The following CYTH3 variants were observed in gnomAD, a reference collection of about 807,000 sequenced individuals.
CYTH3 encodes cytohesin 3, also known as cytohesin-3.
A neutral mutation model predicts 55.1 loss-of-function variants in CYTH3; 23 were observed. The ratio of observed to expected loss-of-function variants is 0.42; its 90% CI spans 0.30 to 0.59. The LOEUF is 0.59. Ranked by LOEUF, CYTH3 falls within the 20% of genes least tolerant of loss-of-function variation. The pLI is 0.20. For synonymous variants in CYTH3, 249 were observed against 194.9 expected (o/e 1.28, Z -2.31); for missense variants, 413 against 524.8 (o/e 0.79, Z 2.08).
At chr7:6,201,651 G>C (rs976855668) in intron 1 of CYTH3, among the ~76,000 whole-genome samples, 1 of 152,130 alleles carries the variant, frequency 6.6e-6, no homozygotes, top group Admixed American at 6.5e-5. Context: ...GACTGTGTAA[G>C]ATAACAACAT....
chr7:6,231,267 G>A (rs559122214), intron 1 of CYTH3, among the ~76,000 whole-genome samples: 79 of 152,196 alleles, frequency 5.2e-4, no homozygotes, highest in Non-Finnish European at 9.1e-4. Flanking sequence ...TAAACTCTAC[G>A]AGAGAAAAGA....
At chr7:6,185,721 C>G (rs1783626354) in intron 4 of CYTH3, among the ~76,000 whole-genome samples, 1 of 150,844 alleles carries the variant, frequency 6.6e-6, no homozygotes, top group Non-Finnish European at 1.5e-5. Context: ...AAAAAATTAT[C>G]TGGGTGCAGT....
chr7:6,233,733 C>A (rs112805669), intron 1 of CYTH3, among the ~76,000 whole-genome samples: 2 of 152,060 alleles, frequency 1.3e-5, no homozygotes, highest in South Asian at 2.1e-4. Flanking sequence ...CAGGGCCTTA[C>A]CACCAGTCCC....
intron 1 of CYTH3, among the ~76,000 whole-genome samples, chr7:6,203,513 G>C (rs191407025): frequency 2.2e-4 from 34 of 152,238 alleles, no homozygotes; most frequent in Admixed American, 1.6e-3. Context: ...AGTCTCAGCA[G>C]AAAATTCTGC....
chr7:6,269,434 G>A (rs552282055), intron 1 of CYTH3, among the ~76,000 whole-genome samples: 2 of 152,264 alleles, frequency 1.3e-5, no homozygotes, highest in African/African-American at 4.8e-5. Flanking sequence ...CACCTACATT[G>A]ATCAGGGAGT....
At chr7:6,269,794 T>C (rs928135852) in intron 1 of CYTH3, among the ~76,000 whole-genome samples, 2 of 152,150 alleles carry the variant, frequency 1.3e-5, no homozygotes, top group Non-Finnish European at 2.9e-5. Context: ...AACAATACAG[T>C]GGACAAAAAG....
intron 1 of CYTH3, among the ~76,000 whole-genome samples, chr7:6,197,879 G>A (rs1186382424): frequency 6.6e-6 from 1 of 152,014 alleles, no homozygotes; most frequent in Non-Finnish European, 1.5e-5. Context: ...ATTGCTTGAG[G>A]CCAGGAGTTT....
At chr7:6,248,135 C>T (rs1779868078) in intron 1 of CYTH3, among the ~76,000 whole-genome samples, 1 of 151,388 alleles carries the variant, frequency 6.6e-6, no homozygotes, top group Admixed American at 6.6e-5. Flanking sequence ...TATACTATTC[C>T]TCTGCCTCAA....
At chr7:6,240,260 G>C (rs1192826696) in intron 1 of CYTH3, among the ~76,000 whole-genome samples, 3 of 138,168 alleles carry the variant, frequency 2.2e-5, no homozygotes, top group Non-Finnish European at 3.0e-5. Flanking sequence ...CTGAGATCGT[G>C]CCATTGTACT....
intron 1 of CYTH3, among the ~76,000 whole-genome samples, chr7:6,270,641 C>T (rs1780626131): frequency 6.6e-6 from 1 of 152,196 alleles, no homozygotes; most frequent in Admixed American, 6.5e-5. Context: ...ATTTACCTCA[C>T]CATGCCCCTG....
intron 1 of CYTH3, among the ~76,000 whole-genome samples, chr7:6,225,662 T>G (rs2128552545): frequency 1.3e-5 from 2 of 150,276 alleles, no homozygotes; most frequent in South Asian, 4.2e-4. Context: ...GGCCTGAAAA[T>G]ATATATTTTT....
chr7:6,226,212 A>G lies in CYTH3; in HGVS notation c.35-35681T>C, dbSNP rs1179351627. On this transcript the variant is annotated intron_variant, in intron 1 of 12. Coordinates refer to ENST00000350796, the MANE Select transcript of CYTH3 (RefSeq NM_004227.4). The stretch of plus-strand genomic sequence containing the variant: ...CTCTGAGAGGTCTCCCTAAAGATCC[A>G]GACGTCCTCCTGTACACACACATCC... 3.9e-5 allele frequency among the ~76,000 whole-genome samples: 6 copies of G among 152,208 alleles called. No homozygotes were observed. In the East Asian group the frequency reaches 1.2e-3, roughly 29 times the overall value.
rs371624575 is a variant in CYTH3 at position 6,165,324 on chromosome 7, C to G, written c.1076G>C (p.Arg359Pro). 6.2e-7 allele frequency: 1 copy of G among 1,614,102 alleles called. No homozygotes were observed. The change falls in exon 12 of 13, where the codon CGG becomes CCG. Residue 359 changes from arginine (R) to proline (P), a missense_variant. Coordinates refer to ENST00000350796, the MANE Select transcript of CYTH3 (RefSeq NM_004227.4). Reference protein sequence around the residue: ...RVVEGNHVVYRISAPSPEEKE... With the variant: ...RVVEGNHVVYPISAPSPEEKE... The stretch of plus-strand genomic sequence containing the variant: ...CTCCTCCGGGCTCGGGGCTGAGATC[C>G]GGTACACCACATGGTTCCCCTCTAC...
intron 1 of CYTH3, among the ~76,000 whole-genome samples, chr7:6,268,828 T>C (rs1274097955): frequency 6.6e-6 from 1 of 151,986 alleles, no homozygotes; most frequent in South Asian, 2.1e-4. Context: ...TAGAGGGAAT[T>C]TAATATAAGG....
intron 1 of CYTH3, among the ~76,000 whole-genome samples, chr7:6,228,805 T>A (rs1298847091): frequency 6.6e-6 from 1 of 152,250 alleles, no homozygotes; most frequent in East Asian, 1.9e-4. Flanking sequence ...TTTAAATAGA[T>A]TTCTTCCTTC....
At chr7:6,195,351 T>C (rs1347254687) in intron 1 of CYTH3, among the ~76,000 whole-genome samples, 2 of 152,230 alleles carry the variant, frequency 1.3e-5, no homozygotes, top group Non-Finnish European at 2.9e-5. Flanking sequence ...AAAAATAAAA[T>C]ATGCTTCACA....
chr7:6,201,250 G>A (rs529894312), intron 1 of CYTH3, among the ~76,000 whole-genome samples: 6 of 152,328 alleles, frequency 3.9e-5, no homozygotes, highest in South Asian at 4.1e-4. Flanking sequence ...GGGCAGTCAC[G>A]TGTTAGCAAC....
chr7:6,206,790 A>C (rs562626202), intron 1 of CYTH3, among the ~76,000 whole-genome samples: 1 of 152,298 alleles, frequency 6.6e-6, no homozygotes, highest in South Asian at 2.1e-4. Flanking sequence ...AGGTACAAAC[A>C]TGAGTCAGGT....
chr7:6,223,707 G>T (rs1474626892), intron 1 of CYTH3, among the ~76,000 whole-genome samples: 2 of 151,916 alleles, frequency 1.3e-5, no homozygotes, highest in Non-Finnish European at 2.9e-5. Flanking sequence ...GAAGGCCGAA[G>T]GGACCTCTGC....
Sources: allele counts gnomAD v4.1 joint callset (sites outside exome capture counted in the v4.1 genomes callset), GRCh38; gene constraint gnomAD v4.1.1; transcripts MANE v1.5; gene names NCBI Gene and HGNC (gene_info 2026-07-23, HGNC 2026-07-21).